Variants in NAB1 observed in about 807,000 individuals in gnomAD.
NAB1 encodes NGFI-A binding protein 1.
NAB1 carries 25 observed loss-of-function variants against 49.9 expected under a neutral mutation model. The observed-to-expected ratio is 0.50, with a 90% CI of 0.37 to 0.70. The LOEUF (loss-of-function observed/expected upper bound fraction) is 0.70. Among genes scored for constraint, NAB1 ranks in the 30% least tolerant of loss-of-function variants. NAB1 has a pLI of 0.00. For missense variants in NAB1, 489 were observed against 575.9 expected (o/e 0.85, Z 1.54); for synonymous variants, 198 against 215.6 (o/e 0.92, Z 0.71).
In NAB1 at chr2:190,687,299, G is replaced by T; in HGVS notation, c.1357G>T (p.Ala453Ser). 1 of 1,589,358 alleles carries T rather than the reference G, an allele frequency of 6.3e-7. No individual in the cohort carries two copies. Among genetic ancestry groups the T allele is most frequent in the Non-Finnish European group, 8.5e-7 (1 of 1,171,002 alleles). ...GELSRLYPSE[A>S]KSHSSESLGI... The stretch of plus-strand genomic sequence containing the variant: ...GCTGAGCAGACTTTACCCCAGTGAG[G>T]CAAAGTCCCACTCATCAGGTGAGAA... Residue 453 changes from alanine (A) to serine (S), a missense_variant, in exon 9 of 10, where the codon GCA becomes TCA. By Grantham distance (99) the Ala-to-Ser change is moderately conservative (BLOSUM62 1). Transcript: ENST00000337386.
Position 190,651,740 on chromosome 2 carries a change from T to C in NAB1, c.-197+1758T>C, listed in dbSNP as rs1693678934. On this transcript the variant is annotated intron_variant, in intron 2 of 9. Transcript: ENST00000337386. This position sits in a 1 kb window ranked among gnomAD's most constrained non-coding sequence, Gnocchi z 4.3. Reference sequence around the variant, plus strand: ...TTGTGAGTGCTATTTATGTACATTTTTGGAAATGAAATCTTTGTAAAATTT... The same window carrying C: ...TTGTGAGTGCTATTTATGTACATTTCTGGAAATGAAATCTTTGTAAAATTT... 6.6e-6 allele frequency among the ~76,000 whole-genome samples: 1 copy of C among 152,248 alleles called. No individual in the cohort carries two copies. The highest frequency in any genetic ancestry group is 1.5e-5 in the Non-Finnish European group (1 of 68,046).
rs1288818490 is a variant in NAB1, at chr2:190,674,593, TAG to T, written c.1005+1444_1005+1445del. 2.0e-5 allele frequency among the ~76,000 whole-genome samples: 3 copies of T among 152,242 alleles called. No individual in the cohort carries two copies. Among genetic ancestry groups the T allele is most frequent in the Admixed American group, 2.0e-4 (3 of 15,280 alleles). On this transcript the variant is annotated intron_variant, in intron 6 of 9. Transcript: ENST00000337386. This position sits in a 1 kb window ranked among gnomAD's most constrained non-coding sequence, Gnocchi z 5.7. Reference sequence around the variant, plus strand: ...ATCTGTGAATCTGCTGCTGTATACTTAGAGTTTGTAACAGCCTTGCACCTAAT... The same window carrying T: ...ATCTGTGAATCTGCTGCTGTATACTTAGTTTGTAACAGCCTTGCACCTAAT...
At position 190,691,545 on chromosome 2, in the gene NAB1, A is replaced by G. The variant is rs16842273; in HGVS notation, c.*1212A>G. On this transcript the variant is annotated 3_prime_UTR_variant, in exon 10 of 10. Transcript: ENST00000337386. The surrounding 1 kb of genome is among the most constrained non-coding windows in gnomAD (Gnocchi z 4.1). ...CCAATTTAATTAATGGACCATGTGCATATATATGGGAGTGTGCTTACATGT... is the reference window on the plus strand; with the variant it reads ...CCAATTTAATTAATGGACCATGTGCGTATATATGGGAGTGTGCTTACATGT... 271 of 152,288 alleles carry G rather than the reference A, an allele frequency of 1.8e-3. 2 individuals are homozygous for G. The highest frequency in any genetic ancestry group is 6.3e-3 in the African/African-American group (262 of 41,572). The allele number at this position is 152,288 out of a possible 1,614,324, so 9.4% of individuals were successfully genotyped here.
rs1695345877 is a variant in NAB1 at position 190,681,567 on chromosome 2, AACC to A, written c.1006-2170_1006-2168del. On this transcript the variant is annotated intron_variant, in intron 6 of 9. Coordinates refer to ENST00000337386, the MANE Select transcript of NAB1 (RefSeq NM_005966.4). Reference sequence around the variant, plus strand: ...ATACACATCTGTGAGCCAACATGGAAACCTAGAAGAGTGGCTATTTTCAACACT... The same window carrying A: ...ATACACATCTGTGAGCCAACATGGAATAGAAGAGTGGCTATTTTCAACACT... 2.0e-5 allele frequency among the ~76,000 whole-genome samples: 3 copies of A among 152,244 alleles called. No homozygotes were observed. The South Asian group carries it at 6.2e-4, about 32-fold the overall frequency.
At chr2:190,690,162 TG>T (rs1695885100) in intron 9 of NAB1, 82 bp from the exon 10 acceptor site, 1 of 962,426 alleles carries the variant, frequency 1.0e-6, no homozygotes, top group East Asian at 2.4e-5. Context: ...ATATGGAGTT[TG>T]GGGGTTTGTT....
rs1395655585 is a variant in NAB1 at position 190,680,243 on chromosome 2, A to G, written c.1006-3495A>G. On this transcript the variant is annotated intron_variant, in intron 6 of 9. Coordinates refer to ENST00000337386, the MANE Select transcript of NAB1 (RefSeq NM_005966.4). This position sits in a 1 kb window ranked among gnomAD's most constrained non-coding sequence, Gnocchi z 5.2. ...GAGACTTTCAATGGCTTCTCTTTGT[A>G]TTTAAGATAAGATCTAAAATTCTTA... Among the ~76,000 whole-genome samples the G allele has an allele frequency of 1.3e-5, 2 of 152,184 alleles. No individual in the cohort carries two copies. Among genetic ancestry groups the G allele is most frequent in the African/African-American group, 4.8e-5 (2 of 41,438 alleles).
rs1694503944 is a variant in NAB1 at position 190,666,142 on chromosome 2, A to G, written c.820-4184A>G. 6.6e-6 allele frequency among the ~76,000 whole-genome samples: 1 copy of G among 151,658 alleles called. No homozygotes were observed. Among genetic ancestry groups the G allele is most frequent in the South Asian group, 2.1e-4 (1 of 4,816 alleles). ...CCTCCCTATTTTATTTAACATTTTT[A>G]GTTTTTTTTTTCTGAGAGGGGCCAG... is the stretch of plus-strand genomic sequence containing the variant. On this transcript the variant is annotated intron_variant, in intron 4 of 9. Coordinates refer to ENST00000337386, the MANE Select transcript of NAB1 (RefSeq NM_005966.4). This position sits in a 1 kb window ranked among gnomAD's most constrained non-coding sequence, Gnocchi z 5.6.
At chr2:190,653,973 T>C (rs996653984) in intron 2 of NAB1, among the ~76,000 whole-genome samples, 2 of 152,190 alleles carry the variant, frequency 1.3e-5, no homozygotes, top group Non-Finnish European at 2.9e-5. Flanking sequence ...GGATGCCCTG[T>C]TATTGGATTG....
chr2:190,685,350 C>T lies in NAB1; in HGVS notation c.1096-126C>T. ...GCATATTTATGGAATTTGTATACCA[C>T]ATGAAGTGTGAACTAATTTTAATGA... On this transcript the variant is annotated intron_variant, in intron 7 of 9. Coordinates refer to ENST00000337386, the MANE Select transcript of NAB1 (RefSeq NM_005966.4). This position sits in a 1 kb window ranked among gnomAD's most constrained non-coding sequence, Gnocchi z 4.5. 1.2e-6 allele frequency: 1 copy of T among 801,006 alleles called. No homozygotes were observed. The highest frequency in any genetic ancestry group is 1.9e-6 in the Non-Finnish European group (1 of 518,316). The allele number at this position is 801,006 out of a possible 1,614,324, so 49.6% of individuals were successfully genotyped here.
Position 190,651,777 on chromosome 2 carries a change from C to G in NAB1, c.-197+1795C>G, listed in dbSNP as rs559935076. On this transcript the variant is annotated intron_variant, in intron 2 of 9. Transcript: ENST00000337386. This position sits in a 1 kb window ranked among gnomAD's most constrained non-coding sequence, Gnocchi z 4.3. ...TCTTTGTAAAATTTACCTTTAAATGCAAAGCTGTGTTTTGGATGGAAGTGA... is the reference window on the plus strand; with the variant it reads ...TCTTTGTAAAATTTACCTTTAAATGGAAAGCTGTGTTTTGGATGGAAGTGA... Among the ~76,000 whole-genome samples the G allele has an allele frequency of 1.3e-5, 2 of 152,104 alleles. No homozygotes were observed. The highest frequency in any genetic ancestry group is 2.9e-5 in the Non-Finnish European group (2 of 68,012).
At chr2:190,671,052 A>G (rs376814413) in intron 5 of NAB1, among the ~76,000 whole-genome samples, 45 of 152,356 alleles carry the variant, frequency 3.0e-4, no homozygotes, top group African/African-American at 1.1e-3. Flanking sequence ...TACTTGAGCC[A>G]TAAGCATTGT....
In NAB1 at chr2:190,689,072, C is replaced by T. The variant is rs368352812; in HGVS notation, c.1376-1173C>T. Among the ~76,000 whole-genome samples the T allele has an allele frequency of 9.9e-5, 15 of 152,136 alleles. No individual in the cohort carries two copies. The South Asian group carries it at 1.9e-3, about 19-fold the overall frequency. ...CAATCTCCTGACCTTGTGATCCGCC[C>T]GCCTCGGCCCCACAAAGTGCTGGGA... On this transcript the variant is annotated intron_variant, in intron 9 of 9. Coordinates refer to ENST00000337386, the MANE Select transcript of NAB1 (RefSeq NM_005966.4). This position sits in a 1 kb window ranked among gnomAD's most constrained non-coding sequence, Gnocchi z 4.3.
Position 190,669,654 on chromosome 2 carries a change from G to A in NAB1, c.820-672G>A, listed in dbSNP as rs1388470878. ...AATTATGTGAAAAAATTTCTAGTTTGTTAAACAATTACAGATTTTGTGTTT... is the reference window on the plus strand; with the variant it reads ...AATTATGTGAAAAAATTTCTAGTTTATTAAACAATTACAGATTTTGTGTTT... On this transcript the variant is annotated intron_variant, in intron 4 of 9. Coordinates refer to ENST00000337386, the MANE Select transcript of NAB1 (RefSeq NM_005966.4). The surrounding 1 kb of genome is among the most constrained non-coding windows in gnomAD (Gnocchi z 4.3). Among the ~76,000 whole-genome samples the A allele has an allele frequency of 1.3e-5, 2 of 152,108 alleles. No individual in the cohort carries two copies. The highest frequency in any genetic ancestry group is 1.3e-4 in the Admixed American group (2 of 15,266).
In NAB1 at chr2:190,690,569, T is replaced by TTGA. The variant is rs1695902363; in HGVS notation, c.*236_*237insTGA. The TTGA allele has an allele frequency of 2.5e-6, 1 of 398,674 alleles. No individual in the cohort carries two copies. The highest frequency in any genetic ancestry group is 4.5e-6 in the Non-Finnish European group (1 of 220,886). 24.7% of individuals were successfully genotyped at this position (398,674 alleles called of 1,614,324 possible). On this transcript the variant is annotated 3_prime_UTR_variant, in exon 10 of 10. Transcript: ENST00000337386. ...AGTAATATTGATTCATTCACATTCCTGTGTTAAGTCATTTTATATGGAAAG... is the reference window on the plus strand; with the variant it reads ...AGTAATATTGATTCATTCACATTCCTTGAGTGTTAAGTCATTTTATATGGAAAG...
Position 190,670,464 on chromosome 2 carries a change from G to A in NAB1, c.953+5G>A. The A allele has an allele frequency of 6.2e-7, 1 of 1,612,592 alleles. No individual in the cohort carries two copies. The highest frequency in any genetic ancestry group is 1.1e-5 in the South Asian group (1 of 90,726). On this transcript the variant is annotated splice_donor_5th_base_variant and intron_variant, in intron 5 of 9. Transcript: ENST00000337386. The surrounding 1 kb of genome is among the most constrained non-coding windows in gnomAD (Gnocchi z 5.3). ...ATATACTTACAGAACCACCAAGTAA[G>A]TATTTAACTAATCGTCATTATTTTT...
Position 190,659,950 on chromosome 2 carries a change from A to G in NAB1, c.774A>G (p.Arg258=). The G allele has an allele frequency of 5.6e-6, 9 of 1,613,990 alleles. No homozygotes were observed. The highest frequency in any genetic ancestry group is 7.6e-6 in the Non-Finnish European group (9 of 1,179,808). ...EIRKYSAIYG[R]FDSKRKDGKH... Reference sequence around the variant, plus strand: ...GGAAATACAGTGCAATATATGGCAGATTTGACTCAAAGAGGAAGGATGGGA... The same window carrying G: ...GGAAATACAGTGCAATATATGGCAGGTTTGACTCAAAGAGGAAGGATGGGA... The change falls in exon 4 of 10, where the codon AGA becomes AGG. Residue 258 remains arginine (R), a synonymous_variant. Transcript: ENST00000337386. The surrounding 1 kb of genome is among the most constrained non-coding windows in gnomAD (Gnocchi z 6.2).
chr2:190,688,368 G>C (rs1319296533), intron 9 of NAB1, among the ~76,000 whole-genome samples: 1 of 152,176 alleles, frequency 6.6e-6, no homozygotes, highest in African/African-American at 2.4e-5. Flanking sequence ...CTTGGTAGCA[G>C]ATGCTAAAAA....
intron 6 of NAB1, among the ~76,000 whole-genome samples, chr2:190,683,210 A>T (rs1695435503): frequency 1.3e-5 from 2 of 151,446 alleles, no homozygotes; most frequent in Non-Finnish European, 2.9e-5. Flanking sequence ...TCCTGGGTTC[A>T]AGCGATTCTC....
chr2:190,672,637 A>G lies in NAB1; in HGVS notation c.954-464A>G, dbSNP rs1380476139. 2.2e-4 allele frequency among the ~76,000 whole-genome samples: 33 copies of G among 152,182 alleles called. 1 individual carries two copies. The highest frequency in any genetic ancestry group is 2.2e-3 in the Admixed American group (33 of 15,282). Reference sequence around the variant, plus strand: ...TATTCCTACTGAACCATAAAGGGATATCCTCCTTGATTTTTTTTTCATTAT... The same window carrying G: ...TATTCCTACTGAACCATAAAGGGATGTCCTCCTTGATTTTTTTTTCATTAT... On this transcript the variant is annotated intron_variant, in intron 5 of 9. Coordinates refer to ENST00000337386, the MANE Select transcript of NAB1 (RefSeq NM_005966.4).
Sources: allele counts gnomAD v4.1 joint callset (sites outside exome capture counted in the v4.1 genomes callset), GRCh38; gene constraint gnomAD v4.1.1; non-coding constraint Gnocchi (gnomAD v3.1); transcripts MANE v1.5; gene names NCBI Gene and HGNC (gene_info 2026-07-23, HGNC 2026-07-21).